The following ZNF318 variants were observed in gnomAD, a reference collection of about 807,000 sequenced individuals.
ZNF318 encodes endocrine regulator.
ZNF318 carries 51 observed loss-of-function variants against 124.2 expected under a neutral mutation model. The ratio of observed to expected loss-of-function variants is 0.41; its 90% CI spans 0.33 to 0.52. The LOEUF (loss-of-function observed/expected upper bound fraction) is 0.52. Ranked by LOEUF, ZNF318 falls within the 20% of genes least tolerant of loss-of-function variation. The pLI, the probability that ZNF318 is intolerant of heterozygous loss-of-function variation, is 0.23. For synonymous variants in ZNF318, 1,090 were observed against 1,040.7 expected (o/e 1.05, Z -0.91); for missense variants, 2,815 against 2,811.2 (o/e 1.00, Z -0.03).
intron 2 of ZNF318, among the ~76,000 whole-genome samples, chr6:43,360,878 C>T (rs973915456): frequency 2.0e-4 from 31 of 152,204 alleles, no homozygotes; most frequent in Admixed American, 5.9e-4. Flanking sequence ...ATGTCCAGAA[C>T]GGGCAAATCT....
chr6:43,338,079 C>A lies in ZNF318; in HGVS notation c.5919G>T (p.Glu1973Asp). 1 of 1,614,194 alleles carries A rather than the reference C, an allele frequency of 6.2e-7. No homozygotes were observed. Among genetic ancestry groups the A allele is most frequent in the Non-Finnish European group, 8.5e-7 (1 of 1,180,026 alleles). The change falls in exon 10 of 10, where the codon GAG becomes GAT. Residue 1973 changes from glutamate (E) to aspartate (D), a missense_variant. This residue lies in a region of ZNF318 where 927 missense variants were observed against 820.6 expected (regional missense o/e 1.13). Coordinates refer to ENST00000361428, the MANE Select transcript of ZNF318 (RefSeq NM_014345.3). ...GCTCCAGTGCTTCTGTTTTTGGTTT[C>A]TCTGGGCTCTCCCAGGTCTCTGGCC... ...KKRPETWESP[E>D]KPKTEALELQ...
intron 2 of ZNF318, among the ~76,000 whole-genome samples, chr6:43,358,264 T>C (rs373593902): frequency 3.3e-5 from 5 of 152,294 alleles, no homozygotes. Flanking sequence ...TTGTTTTGTT[T>C]TGAGATGGAG....
rs202107054 is a variant in ZNF318 at position 43,337,619 on chromosome 6, G to A, written c.6379C>T (p.Leu2127Phe). ...ATCATTCCTCCTGCTAACAGGTCAA[G>A]GGCCTGGTGTGTTCCCTCTAGGCCC... The part of the protein sequence containing the change: ...LGGLEGTHQA[L>F]DLLAGGMMPE... The change falls in exon 10 of 10, where the codon CTT becomes TTT. Residue 2127 changes from leucine to phenylalanine, a missense_variant. Leu to Phe is a conservative substitution (Grantham distance 22). Transcript: ENST00000361428. 11 of 1,614,098 alleles carry A rather than the reference G, an allele frequency of 6.8e-6. No individual in the cohort carries two copies. The highest frequency in any genetic ancestry group is 2.2e-5 in the East Asian group (1 of 44,880).
In ZNF318 at chr6:43,368,807, G is replaced by C. The variant is rs543969611; in HGVS notation, c.399+160C>G. ...AGTCCGTTATTGTGTCAACGCTCCC[G>C]GGTCTGACAGAAGCCTCCAGGCTCG... On this transcript the variant is annotated intron_variant, in intron 1 of 9. Coordinates refer to ENST00000361428, the MANE Select transcript of ZNF318 (RefSeq NM_014345.3). 4 of 983,894 alleles carry C rather than the reference G, an allele frequency of 4.1e-6. No homozygotes were observed. The South Asian group carries it at 1.4e-4, about 35-fold the overall frequency. The allele number at this position is 983,894 out of a possible 1,614,324, so 60.9% of individuals were successfully genotyped here. A position where few individuals can be genotyped will look rare whatever the true frequency, so the allele number is the denominator to read the frequency against.
Position 43,357,406 on chromosome 6 carries a change from C to T in ZNF318, c.908G>A (p.Arg303Lys), listed in dbSNP as rs1562134747. 1 of 1,614,190 alleles carries T rather than the reference C, an allele frequency of 6.2e-7. No homozygotes were observed. ...GAGAAACCTAGGACTTGGGCTTCTT[C>T]TACGCTGTCGATAGTTGCGAGTTCC... ...TSGTRNYRQR[R>K]RSPSPRFLDP... The change falls in exon 3 of 10, where the codon AGA becomes AAA. Residue 303 changes from arginine (R) to lysine (K), a missense_variant. Physicochemically the swap from Arg to Lys is conservative, Grantham distance 26 (BLOSUM62 2). This residue lies in a region of ZNF318 where 1,377 missense variants were observed against 1,353.5 expected (regional missense o/e 1.02). Coordinates refer to ENST00000361428, the MANE Select transcript of ZNF318 (RefSeq NM_014345.3).
intron 6 of ZNF318, among the ~76,000 whole-genome samples, chr6:43,343,627 G>A (rs767441817): frequency 5.9e-5 from 9 of 152,028 alleles, no homozygotes; most frequent in Middle Eastern, 3.4e-3. Flanking sequence ...CCAGGAGTTC[G>A]AGACAGGCCT....
chr6:43,338,034 C>G lies in ZNF318; in HGVS notation c.5964G>C (p.Glu1988Asp). Residue 1988 changes from glutamate to aspartate, a missense_variant, in exon 10 of 10, where the codon GAG (glutamate) becomes GAC (aspartate). Physicochemically the swap from Glu to Asp is conservative, Grantham distance 45 (BLOSUM62 2). Coordinates refer to ENST00000361428, the MANE Select transcript of ZNF318 (RefSeq NM_014345.3). Reference sequence around the variant, plus strand: ...CCTTGCTTTCTATTGTCACTGTTAACTCTGGATGGACATCTTGTAGCTCCA... The same window carrying G: ...CCTTGCTTTCTATTGTCACTGTTAAGTCTGGATGGACATCTTGTAGCTCCA... ...EALELQDVHP[E>D]LTVTIESKAL... The G allele has an allele frequency of 6.2e-7, 1 of 1,614,200 alleles. No individual in the cohort carries two copies. Among genetic ancestry groups the G allele is most frequent in the Non-Finnish European group, 8.5e-7 (1 of 1,180,028 alleles).
At chr6:43,347,281 G>A (rs1287260840) in intron 6 of ZNF318, among the ~76,000 whole-genome samples, 3 of 152,106 alleles carry the variant, frequency 2.0e-5, no homozygotes, top group African/African-American at 4.8e-5. Flanking sequence ...AGGTTGAGGA[G>A]GTAGGCAAGG....
chr6:43,364,756 GT>G lies in ZNF318; in HGVS notation c.548+535del, dbSNP rs199908292. 4.7e-3 allele frequency among the ~76,000 whole-genome samples: 719 copies of G among 152,292 alleles called. 12 individuals are homozygous for G. The highest frequency in any genetic ancestry group is 0.017 in the African/African-American group (686 of 41,564). On this transcript the variant is annotated intron_variant, in intron 2 of 9. Transcript: ENST00000361428. ...TACCCTTCCTCAGCACTCAATAGTTGTAAAATAATAACTGAACTTAAACATT... is the reference window on the plus strand; with the variant it reads ...TACCCTTCCTCAGCACTCAATAGTTGAAAATAATAACTGAACTTAAACATT...
At chr6:43,344,083 C>T (rs1779408348) in intron 6 of ZNF318, among the ~76,000 whole-genome samples, 1 of 152,056 alleles carries the variant, frequency 6.6e-6, no homozygotes, top group African/African-American at 2.4e-5. Context: ...AGATGAAGAG[C>T]TGGGTACCTG....
intron 2 of ZNF318, among the ~76,000 whole-genome samples, chr6:43,360,180 C>T (rs938040443): frequency 6.2e-4 from 94 of 152,274 alleles, no homozygotes; most frequent in African/African-American, 2.2e-3. Context: ...TAAACCAGTA[C>T]TAACTATCAA....
chr6:43,357,604 C>T lies in ZNF318; in HGVS notation c.710G>A (p.Ser237Asn), dbSNP rs746258397. Residue 237 changes from serine to asparagine, a missense_variant, in exon 3 of 10, where the codon AGT (serine) becomes AAT (asparagine). Coordinates refer to ENST00000361428, the MANE Select transcript of ZNF318 (RefSeq NM_014345.3). ...CTCATCATGACAACTGATATGGGGA[C>T]TATAATCAGATCGATGCAGGAAAGT... is the stretch of plus-strand genomic sequence containing the variant. ...KETFLHRSDYSPHISCHDELL... is the reference protein window; with the variant it reads ...KETFLHRSDYNPHISCHDELL... 3.7e-6 allele frequency: 6 copies of T among 1,613,958 alleles called. No individual in the cohort carries two copies. Among genetic ancestry groups the T allele is most frequent in the South Asian group, 3.3e-5 (3 of 91,084 alleles).
In ZNF318 at chr6:43,337,940, T is replaced by G; in HGVS notation, c.6058A>C (p.Met2020Leu). Reference protein sequence around the residue: ...ELTALGNLGDMPVDFCTTRVS... With the variant: ...ELTALGNLGDLPVDFCTTRVS... ...CGAGTAGTGCAGAAATCAACAGGCA[T>G]ATCCCCCAGATTCCCCAGGGCAGTA... Residue 2020 changes from methionine (M) to leucine (L), a missense_variant, in exon 10 of 10, where the codon ATG (methionine) becomes CTG (leucine). By Grantham distance (15) the Met-to-Leu change is conservative. Coordinates refer to ENST00000361428, the MANE Select transcript of ZNF318 (RefSeq NM_014345.3). 2 of 1,614,232 alleles carry G rather than the reference T, an allele frequency of 1.2e-6. No homozygotes were observed. The highest frequency in any genetic ancestry group is 1.7e-6 in the Non-Finnish European group (2 of 1,180,040).
At chr6:43,353,448 C>T (rs1014722851) in intron 4 of ZNF318, among the ~76,000 whole-genome samples, 2 of 149,284 alleles carry the variant, frequency 1.3e-5, no homozygotes, top group African/African-American at 4.9e-5. Flanking sequence ...GATCTCAGCT[C>T]ACTGCAACCT....
rs1275607241 is a variant in ZNF318 at position 43,369,259 on chromosome 6, G to C, written c.107C>G (p.Ala36Gly). The C allele has an allele frequency of 1.6e-6, 2 of 1,277,228 alleles. No individual in the cohort carries two copies. The highest frequency in any genetic ancestry group is 2.0e-6 in the Non-Finnish European group (2 of 1,009,872). 79.1% of individuals were successfully genotyped at this position (1,277,228 alleles called of 1,614,324 possible). A position where few individuals can be genotyped will look rare whatever the true frequency, so the allele number is the denominator to read the frequency against. The change falls in exon 1 of 10, where the codon GCT becomes GGT. Residue 36 changes from alanine (A) to glycine (G), a missense_variant. By Grantham distance (60) the Ala-to-Gly change is moderately conservative. Transcript: ENST00000361428. Reference sequence around the variant, plus strand: ...CGGAGGCGGCGGTGAGCTGCGGCGAGCCGGGCCTGAGGAGGAGCCAGAGCT... The same window carrying C: ...CGGAGGCGGCGGTGAGCTGCGGCGACCCGGGCCTGAGGAGGAGCCAGAGCT... ...GRSSGSSSGPARRSSPPPPPS... is the reference protein window; with the variant it reads ...GRSSGSSSGPGRRSSPPPPPS...
intron 5 of ZNF318, among the ~76,000 whole-genome samples, chr6:43,350,709 G>A (rs1028993771): frequency 3.9e-5 from 6 of 151,988 alleles, no homozygotes; most frequent in Admixed American, 3.9e-4. Flanking sequence ...TATGGTCTCA[G>A]CTACTCAGGA....
At chr6:43,367,065 T>C (rs1779771985) in intron 1 of ZNF318, among the ~76,000 whole-genome samples, 1 of 152,204 alleles carries the variant, frequency 6.6e-6, no homozygotes, top group South Asian at 2.1e-4. Flanking sequence ...TTAGCCAACA[T>C]GGTCTCGATC....
Position 43,369,399 on chromosome 6 carries a change from G to C in ZNF318, c.-34C>G. ...CAGCGGCGGCCACGGCGACAGCTCT[G>C]ACCCGGGGGCGCCCTAGACGCAGGC... On this transcript the variant is annotated 5_prime_UTR_variant, in exon 1 of 10. Coordinates refer to ENST00000361428, the MANE Select transcript of ZNF318 (RefSeq NM_014345.3). The C allele has an allele frequency of 8.4e-7, 1 of 1,193,734 alleles. No homozygotes were observed. Among genetic ancestry groups the C allele is most frequent in the Non-Finnish European group, 1.0e-6 (1 of 962,334 alleles). 73.9% of individuals were successfully genotyped at this position (1,193,734 alleles called of 1,614,324 possible).
chr6:43,349,972 G>A (rs558527515), intron 5 of ZNF318, among the ~76,000 whole-genome samples: 5 of 152,178 alleles, frequency 3.3e-5, no homozygotes, highest in South Asian at 2.1e-4. Flanking sequence ...AAAAAAGGCC[G>A]GGTGGGGTGG....
Sources: allele counts gnomAD v4.1 joint callset (sites outside exome capture counted in the v4.1 genomes callset), GRCh38; gene constraint gnomAD v4.1.1; regional missense constraint gnomAD v4.1.1; transcripts MANE v1.5; gene names NCBI Gene and HGNC (gene_info 2026-07-23, HGNC 2026-07-21).